The following CSMD1 variants were observed in gnomAD, a reference collection of about 807,000 sequenced individuals.
CSMD1 encodes the protein CUB and Sushi multiple domains 1.
Under a neutral mutation model 417.5 loss-of-function variants are expected in CSMD1, and 213 were observed. That is an observed-to-expected ratio of 0.51 (90% CI 0.46 to 0.57). CSMD1 has a LOEUF of 0.57. Ranked by LOEUF, CSMD1 falls within the 20% of genes least tolerant of loss-of-function variation. The pLI is 0.00. For missense variants in CSMD1, 6,923 were observed against 4,529.7 expected (o/e 1.53, Z -15.17); for synonymous variants, 2,862 against 1,736.8 (o/e 1.65, Z -16.11).
At chr8:3,868,709 G>T (rs1242579985) in intron 5 of CSMD1, among the ~76,000 whole-genome samples, 2 of 152,104 alleles carry the variant, frequency 1.3e-5, no homozygotes, top group Non-Finnish European at 2.9e-5. Context: ...CTTCCTAAAA[G>T]CCTTGGGGGC....
At chr8:3,402,887 T>C (rs1197082343) in intron 15 of CSMD1, among the ~76,000 whole-genome samples, 2 of 152,132 alleles carry the variant, frequency 1.3e-5, no homozygotes, top group Non-Finnish European at 2.9e-5. Flanking sequence ...GATCATTTTG[T>C]TCTACGTTAG....
intron 4 of CSMD1, among the ~76,000 whole-genome samples, chr8:4,020,074 G>T (rs1319602220): frequency 6.6e-6 from 1 of 152,142 alleles, no homozygotes; most frequent in African/African-American, 2.4e-5. Context: ...GATAGAGACA[G>T]TAATTATAGC....
chr8:4,388,499 T>C (rs769854587), intron 3 of CSMD1, among the ~76,000 whole-genome samples: 1 of 151,490 alleles, frequency 6.6e-6, no homozygotes, highest in Non-Finnish European at 1.5e-5. Flanking sequence ...GGGAGGTAAG[T>C]TGTGAGCATA....
chr8:3,600,471 A>T (rs1470336250), intron 8 of CSMD1, among the ~76,000 whole-genome samples: 1 of 152,244 alleles, frequency 6.6e-6, no homozygotes, highest in Admixed American at 6.5e-5. Flanking sequence ...TATCAGAATC[A>T]TTCAGGGTTG....
intron 1 of CSMD1, among the ~76,000 whole-genome samples, chr8:4,958,827 G>T (rs373246354): frequency 6.6e-6 from 1 of 152,136 alleles, no homozygotes; most frequent in Admixed American, 6.6e-5. Flanking sequence ...CTTCTGACAA[G>T]TGTCTAAAAA....
chr8:4,478,389 A>G (rs1435380410), intron 2 of CSMD1, among the ~76,000 whole-genome samples: 1 of 152,230 alleles, frequency 6.6e-6, no homozygotes, highest in Non-Finnish European at 1.5e-5. Context: ...ACACAAGTCC[A>G]AAGTATTGAA....
intron 4 of CSMD1, among the ~76,000 whole-genome samples, chr8:4,031,390 G>C (rs539656651): frequency 2.0e-5 from 3 of 152,338 alleles, no homozygotes; most frequent in Admixed American, 6.5e-5. Flanking sequence ...CAGGCAAAGA[G>C]AGAGCTTGTG....
chr8:4,228,242 T>A (rs1801482122), intron 3 of CSMD1, among the ~76,000 whole-genome samples: 1 of 152,224 alleles, frequency 6.6e-6, no homozygotes, highest in South Asian at 2.1e-4. Context: ...TAAAAATATT[T>A]GCCTTCCTGT....
intron 20 of CSMD1, 81 bp downstream of exon 20, chr8:3,366,951 C>T: frequency 9.3e-7 from 1 of 1,071,250 alleles, no homozygotes; most frequent in Non-Finnish European, 1.4e-6. Context: ...TACACACACA[C>T]ACACACCCAC....
chr8:4,715,506 T>A (rs927304446), intron 1 of CSMD1, among the ~76,000 whole-genome samples: 5 of 152,204 alleles, frequency 3.3e-5, no homozygotes, highest in Admixed American at 6.5e-5. Context: ...CTCAAATCTG[T>A]ATCTCCAGAT....
chr8:4,060,569 G>A (rs1318773482), intron 3 of CSMD1, among the ~76,000 whole-genome samples: 2 of 152,162 alleles, frequency 1.3e-5, no homozygotes, highest in Non-Finnish European at 2.9e-5. Context: ...GTGCGAATGA[G>A]TTCCAGGGGA....
intron 5 of CSMD1, among the ~76,000 whole-genome samples, chr8:3,777,753 AAG>A (rs1798968941): frequency 6.6e-6 from 1 of 152,002 alleles, no homozygotes; most frequent in Non-Finnish European, 1.5e-5. Flanking sequence ...AGCCTCCTTG[AAG>A]TGCAGAGTCT....
At chr8:3,755,423 T>G (rs147622105) in intron 5 of CSMD1, among the ~76,000 whole-genome samples, 77 of 152,324 alleles carry the variant, frequency 5.1e-4, no homozygotes, top group Non-Finnish European at 1.1e-3. Context: ...ATTTTGCATC[T>G]TGGTAACAAA....
In CSMD1 at chr8:3,049,064, T is replaced by C. The variant is rs566692034; in HGVS notation, c.7660+3398A>G. 6.6e-5 allele frequency among the ~76,000 whole-genome samples: 10 copies of C among 152,068 alleles called. No individual in the cohort carries two copies. In the South Asian group the frequency reaches 8.3e-4, roughly 13 times the overall value. On this transcript the variant is annotated intron_variant, in intron 50 of 69. Transcript: ENST00000635120. The stretch of plus-strand genomic sequence containing the variant: ...TGCACATCTATGAGAATGGCCAAAA[T>C]CCAGACACTGATAGCACCAGATGCT...
chr8:3,308,569 G>GAAAC (rs1202257728), intron 23 of CSMD1, 66 bp from the exon 24 acceptor site: 5 of 1,320,310 alleles, frequency 3.8e-6, no homozygotes, highest in East Asian at 2.4e-5. Flanking sequence ...AAACAGAGAT[G>GAAAC]AAACAAACAA....
chr8:3,000,979 A>AT (rs905673261), intron 52 of CSMD1, among the ~76,000 whole-genome samples: 11 of 143,408 alleles, frequency 7.7e-5, no homozygotes, highest in Admixed American at 4.7e-4. Flanking sequence ...CACTCCCACC[A>AT]TTTTTTTTCT....
chr8:4,087,134 G>A (rs1418371406), intron 3 of CSMD1, among the ~76,000 whole-genome samples: 1 of 152,146 alleles, frequency 6.6e-6, no homozygotes, highest in African/African-American at 2.4e-5. Flanking sequence ...GTGATGGGAG[G>A]TTGCGGAAAT....
At position 4,554,143 on chromosome 8, in the gene CSMD1, A is replaced by T. The variant is rs200131954; in HGVS notation, c.302+83199T>A. Among the ~76,000 whole-genome samples the T allele has an allele frequency of 7.2e-5, 11 of 152,150 alleles. No homozygotes were observed. In the East Asian group the frequency reaches 2.1e-3, roughly 29 times the overall value. ...TCACTTGTGGAAACAATCGCGATTT[A>T]TTTATTTTTTTGAGGCAGAGTCTCG... On this transcript the variant is annotated intron_variant, in intron 2 of 69. Coordinates refer to ENST00000635120, the MANE Select transcript of CSMD1 (RefSeq NM_033225.6).
At chr8:4,218,975 T>C (rs1262634173) in intron 3 of CSMD1, among the ~76,000 whole-genome samples, 1 of 152,204 alleles carries the variant, frequency 6.6e-6, no homozygotes, top group Non-Finnish European at 1.5e-5. Flanking sequence ...TCTAATCAAA[T>C]ACTCCCGGTG....
Sources: gnomAD v4.1 joint callset for allele counts (sites outside exome capture counted in the v4.1 genomes callset) on GRCh38, gnomAD v4.1.1 for gene constraint, MANE v1.5 for transcripts, NCBI Gene and HGNC (gene_info 2026-07-23, HGNC 2026-07-21) for gene names.